The following IQCH variants were observed in gnomAD, a reference collection of about 807,000 sequenced individuals.
IQCH encodes the protein IQ domain-containing protein H.
In IQCH, 98 loss-of-function variants were observed where a neutral mutation model predicts 117.0. That is an observed-to-expected ratio of 0.84 (90% CI 0.71 to 0.99). IQCH has a LOEUF of 0.99. Among genes scored for constraint, IQCH ranks in the 50% least tolerant of loss-of-function variants. The probability of loss-of-function intolerance (pLI) is 0.00; values close to 1 mark genes in which losing one functional copy is unlikely to be tolerated. For synonymous variants in IQCH, 412 were observed against 448.2 expected, an observed-to-expected ratio of 0.92 and a Z score of 1.02; for missense variants, 1,102 against 1,243.8, an observed-to-expected ratio of 0.89 and a Z score of 1.72.
At position 67,258,512 on chromosome 15, in the gene IQCH, CAA is replaced by C. The variant is rs374799401; in HGVS notation, c.52-2759_52-2758del. Reference sequence around the variant, plus strand: ...CGCCATTGCACTCCAGCCTGGGGGACAAGAGTGAGACTTCATCTCAAAAAAAA... The same window carrying C: ...CGCCATTGCACTCCAGCCTGGGGGACGAGTGAGACTTCATCTCAAAAAAAA... On this transcript the variant is annotated intron_variant, in intron 1 of 20. Coordinates refer to ENST00000335894, the MANE Select transcript of IQCH (RefSeq NM_001031715.3). Among the ~76,000 whole-genome samples the C allele has an allele frequency of 8.2e-3, 952 of 116,280 alleles. 11 individuals carry two copies. The highest frequency in any genetic ancestry group is 0.03 in the African/African-American group (912 of 30,118). 76.3% of individuals were successfully genotyped at this position (116,280 alleles called of 152,430 possible).
At chr15:67,262,900 T>C (rs185672012) in intron 2 of IQCH, among the ~76,000 whole-genome samples, 105 of 150,778 alleles carry the variant, frequency 7.0e-4, no homozygotes, top group African/African-American at 2.5e-3. Context: ...CAAAAAAGAG[T>C]GTACCACAGG....
chr15:67,482,134 T>G (rs908704934), intron 18 of IQCH, among the ~76,000 whole-genome samples: 5 of 152,090 alleles, frequency 3.3e-5, no homozygotes, highest in African/African-American at 1.2e-4. Flanking sequence ...GGAAAAGAAA[T>G]AAAATCTCAG....
chr15:67,385,864 A>G lies in IQCH; in HGVS notation c.1456+845A>G, dbSNP rs1466411155. ...AATTTCTTTGGCCCTTATTTAAGAA[A>G]AACAAGGAAGAATTTTAAATGATCA... On this transcript the variant is annotated intron_variant, in intron 11 of 20. Transcript: ENST00000335894. This position sits in a 1 kb window ranked among gnomAD's most constrained non-coding sequence, Gnocchi z 4.6. 2.0e-5 allele frequency among the ~76,000 whole-genome samples: 3 copies of G among 152,212 alleles called. No homozygotes were observed. The highest frequency in any genetic ancestry group is 6.5e-5 in the Admixed American group (1 of 15,276).
intron 14 of IQCH, among the ~76,000 whole-genome samples, chr15:67,409,360 C>CTGTGG (rs1217448272): frequency 6.6e-6 from 1 of 152,176 alleles, no homozygotes; most frequent in Non-Finnish European, 1.5e-5. Context: ...CCACAGCCCC[C>CTGTGG]TGTGGTGAGA....
chr15:67,267,180 T>A (rs1365808397), intron 3 of IQCH, among the ~76,000 whole-genome samples: 2 of 152,200 alleles, frequency 1.3e-5, no homozygotes, highest in Non-Finnish European at 2.9e-5. Flanking sequence ...GAGTAATTTC[T>A]TATTTATTTC....
rs1007955592 is a variant in IQCH, at chr15:67,385,932, G to T, written c.1456+913G>T. 1.3e-5 allele frequency among the ~76,000 whole-genome samples: 2 copies of T among 152,076 alleles called. No individual in the cohort carries two copies. The highest frequency in any genetic ancestry group is 4.8e-5 in the African/African-American group (2 of 41,404). On this transcript the variant is annotated intron_variant, in intron 11 of 20. Transcript: ENST00000335894. This position sits in a 1 kb window ranked among gnomAD's most constrained non-coding sequence, Gnocchi z 4.6. ...CTCCCTGGAATGACATGCTTTACAT[G>T]ATTCATATATATTTCAGCATCATTA...
chr15:67,344,397 T>C (rs1218706281), intron 6 of IQCH, among the ~76,000 whole-genome samples: 1 of 152,212 alleles, frequency 6.6e-6, no homozygotes, highest in African/African-American at 2.4e-5. Flanking sequence ...TTGAGCACTA[T>C]CAGTTTTCAT....
At chr15:67,489,056 C>T (rs1290968801) in intron 18 of IQCH, among the ~76,000 whole-genome samples, 81 of 149,952 alleles carry the variant, frequency 5.4e-4, no homozygotes, top group African/African-American at 1.6e-3. Flanking sequence ...TTTTTTTAGA[C>T]GGAGTCTCGC....
At position 67,365,561 on chromosome 15, in the gene IQCH, G is replaced by C. The variant is rs946884923; in HGVS notation, c.753+5676G>C. ...TTGGGGTTTATATTTTAGTGAGAGAGGCAATAATCAGATATTTAATATAAT... is the reference window on the plus strand; with the variant it reads ...TTGGGGTTTATATTTTAGTGAGAGACGCAATAATCAGATATTTAATATAAT... On this transcript the variant is annotated intron_variant, in intron 8 of 20. Coordinates refer to ENST00000335894, the MANE Select transcript of IQCH (RefSeq NM_001031715.3). The surrounding 1 kb of genome is among the most constrained non-coding windows in gnomAD (Gnocchi z 4.4). 1.3e-5 allele frequency among the ~76,000 whole-genome samples: 2 copies of C among 152,082 alleles called. No homozygotes were observed. Among genetic ancestry groups the C allele is most frequent in the Admixed American group, 6.6e-5 (1 of 15,262 alleles).
intron 6 of IQCH, among the ~76,000 whole-genome samples, chr15:67,353,331 G>T (rs1217962538): frequency 1.3e-5 from 2 of 148,446 alleles, no homozygotes; most frequent in Non-Finnish European, 3.0e-5. Context: ...TTAAAAATTG[G>T]CTTCTTTATT....
chr15:67,268,691 C>T (rs1965775596), intron 3 of IQCH, among the ~76,000 whole-genome samples: 1 of 151,080 alleles, frequency 6.6e-6, no homozygotes, highest in Admixed American at 6.6e-5. Flanking sequence ...GGTGCATTGT[C>T]ATTCAATTAT....
chr15:67,400,339 TCTGTGAA>T, intron 14 of IQCH, 34 bp downstream of exon 14: 1 of 1,538,616 alleles, frequency 6.5e-7, no homozygotes, highest in African/African-American at 1.4e-5. Context: ...ACCCGCAGGG[TCTGTGAA>T]CAGTTAGGGG....
chr15:67,475,051 C>T lies in IQCH; in HGVS notation c.2677-645C>T, dbSNP rs148150778. 4.4e-3 allele frequency among the ~76,000 whole-genome samples: 674 copies of T among 152,232 alleles called. 7 individuals are homozygous for T. Among genetic ancestry groups the T allele is most frequent in the African/African-American group, 0.016 (648 of 41,540 alleles). On this transcript the variant is annotated intron_variant, in intron 17 of 20. Coordinates refer to ENST00000335894, the MANE Select transcript of IQCH (RefSeq NM_001031715.3). The surrounding 1 kb of genome is among the most constrained non-coding windows in gnomAD (Gnocchi z 5.7). ...AAACCACAGGGAAAGTCTGTGAAGC[C>T]GTCACAGGCCAGAGAAGCCTAAGGA...
At chr15:67,320,917 C>CTT (rs1968087989) in intron 4 of IQCH, among the ~76,000 whole-genome samples, 1 of 152,166 alleles carries the variant, frequency 6.6e-6, no homozygotes, top group Non-Finnish European at 1.5e-5. Context: ...CCTGGAGTCA[C>CTT]TAACACGCTG....
chr15:67,361,976 CTATTT>C (rs1182487356), intron 8 of IQCH, among the ~76,000 whole-genome samples: 3 of 151,978 alleles, frequency 2.0e-5, no homozygotes, highest in Non-Finnish European at 4.4e-5. Flanking sequence ...TAATAAAAAT[CTATTT>C]TATGGATAAA....
At position 67,500,570 on chromosome 15, in the gene IQCH, A is replaced by G; in HGVS notation, c.2971-63A>G. ...ACCATGGTGAACTCCCAAAAGGACCAGATGCTTGGGGGAGAGGGATTGTAA... is the reference window on the plus strand; with the variant it reads ...ACCATGGTGAACTCCCAAAAGGACCGGATGCTTGGGGGAGAGGGATTGTAA... On this transcript the variant is annotated intron_variant, in intron 20 of 20. Coordinates refer to ENST00000335894, the MANE Select transcript of IQCH (RefSeq NM_001031715.3). This position sits in a 1 kb window ranked among gnomAD's most constrained non-coding sequence, Gnocchi z 4.4. The G allele has an allele frequency of 1.3e-6, 1 of 790,140 alleles. No individual in the cohort carries two copies. Among genetic ancestry groups the G allele is most frequent in the Non-Finnish European group, 2.1e-6 (1 of 479,058 alleles). The allele number at this position is 790,140 out of a possible 1,614,324, so 48.9% of individuals were successfully genotyped here.
chr15:67,265,219 C>T (rs1374153773), intron 3 of IQCH, among the ~76,000 whole-genome samples: 1 of 152,242 alleles, frequency 6.6e-6, no homozygotes, highest in Admixed American at 6.5e-5. Context: ...GCAATTGCAG[C>T]TACAGAGAAC....
At position 67,371,983 on chromosome 15, in the gene IQCH, A is replaced by T; in HGVS notation, c.754-128A>T. ...TTTCGTATTATGACGTGTGTGTTAA[A>T]TCAGTGCTAGGATTCATATCTTCCC... On this transcript the variant is annotated intron_variant, in intron 8 of 20. Transcript: ENST00000335894. 4 of 793,492 alleles carry T rather than the reference A, an allele frequency of 5.0e-6. No homozygotes were observed. In the East Asian group the frequency reaches 1.1e-4, roughly 21 times the overall value. The allele number at this position is 793,492 out of a possible 1,614,324, so 49.2% of individuals were successfully genotyped here. A position where few individuals can be genotyped will look rare whatever the true frequency, so the allele number is the denominator to read the frequency against.
rs1007807526 is a variant in IQCH, at chr15:67,458,928, T to C, written c.2506-6199T>C. Among the ~76,000 whole-genome samples the C allele has an allele frequency of 9.8e-5, 15 of 152,294 alleles. No individual in the cohort carries two copies. Among genetic ancestry groups the C allele is most frequent in the African/African-American group, 3.6e-4 (15 of 41,574 alleles). ...ATTCTCAGTACTGCATGTCTCAGAGTTGGCTTATTTGGAGTGCCTGTCTTT... is the reference window on the plus strand; with the variant it reads ...ATTCTCAGTACTGCATGTCTCAGAGCTGGCTTATTTGGAGTGCCTGTCTTT... On this transcript the variant is annotated intron_variant, in intron 16 of 20. Transcript: ENST00000335894. This position sits in a 1 kb window ranked among gnomAD's most constrained non-coding sequence, Gnocchi z 4.1.
Sources: gnomAD v4.1 joint callset for allele counts (sites outside exome capture counted in the v4.1 genomes callset) on GRCh38, gnomAD v4.1.1 for gene constraint, Gnocchi (gnomAD v3.1) non-coding constraint, MANE v1.5 for transcripts, NCBI Gene and HGNC (gene_info 2026-07-23, HGNC 2026-07-21) for gene names.